Variants in MYO15A observed in about 807,000 individuals in gnomAD.
The protein encoded by MYO15A is myosin XVA, also known as unconventional myosin-XV.
In MYO15A, 308 loss-of-function variants were observed where a neutral mutation model predicts 394.6. The observed-to-expected ratio is 0.78, with a 90% CI of 0.71 to 0.86. MYO15A has a LOEUF of 0.86. Ranked by LOEUF, MYO15A falls within the 40% of genes least tolerant of loss-of-function variation. The pLI is 0.00. For synonymous variants in MYO15A, 1,957 were observed against 2,003.8 expected (o/e 0.98, Z 0.62); for missense variants, 4,606 against 4,799.1 (o/e 0.96, Z 1.19).
Position 18,141,151 on chromosome 17 carries a change from G to A in MYO15A, c.5531+8G>A. ...CCAGGGGTTCATCGACAGGTATCTT[G>A]GTTACGGTAGTTCCTGAGCTCTACA... is the stretch of plus-strand genomic sequence containing the variant. On this transcript the variant is annotated splice_region_variant and intron_variant, in intron 22 of 65. Transcript: ENST00000647165. The A allele has an allele frequency of 6.2e-7, 1 of 1,613,318 alleles. No individual in the cohort carries two copies. The highest frequency in any genetic ancestry group is 8.5e-7 in the Non-Finnish European group (1 of 1,179,990).
At position 18,119,919 on chromosome 17, in the gene MYO15A, A is replaced by G. The variant is rs757548030; in HGVS notation, c.1119A>G (p.Gly373=). ...ATGTACCCTACTTTGATCCCTACGG[A>G]GTCCACTACACCGTCCCCTATGCCG... The part of the protein sequence containing the change: ...PYDVPYFDPY[G]VHYTVPYAEG... The change falls in exon 2 of 66, where the codon GGA becomes GGG. Residue 373 remains glycine (G), a synonymous_variant. Coordinates refer to ENST00000647165, the MANE Select transcript of MYO15A (RefSeq NM_016239.4). 1.2e-6 allele frequency: 2 copies of G among 1,613,468 alleles called. No homozygotes were observed. The highest frequency in any genetic ancestry group is 2.2e-5 in the South Asian group (2 of 91,090).
intron 1 of MYO15A, among the ~76,000 whole-genome samples, chr17:18,114,543 C>T (rs2045762027): frequency 6.6e-6 from 1 of 152,132 alleles, no homozygotes; most frequent in African/African-American, 2.4e-5. Flanking sequence ...TGAGCCACTG[C>T]ACCTGGCCCT....
intron 65 of MYO15A, 141 bp from the exon 66 acceptor site, chr17:18,178,628 T>G: frequency 1.2e-6 from 1 of 820,578 alleles, no homozygotes; most frequent in Non-Finnish European, 2.1e-6. Flanking sequence ...TCTCAGGCCC[T>G]GGGGGAGGTG....
Position 18,137,626 on chromosome 17 carries a change from G to C in MYO15A, c.4822G>C (p.Ala1608Pro), listed in dbSNP as rs772942253. Residue 1608 changes from alanine to proline, a missense_variant, in exon 16 of 66, where the codon GCA becomes CCA. Physicochemically the swap from Ala to Pro is conservative, Grantham distance 27 (BLOSUM62 -1). Around this residue, in one of 2 missense-constraint regions of MYO15A, gnomAD observed 2,776 missense variants for 3,109.3 expected, o/e 0.89. Coordinates refer to ENST00000647165, the MANE Select transcript of MYO15A (RefSeq NM_016239.4). The stretch of plus-strand genomic sequence containing the variant: ...CTTTGAGCAGCTGTGTATTAACTAC[G>C]CAAACGAGAACCTTCAGTACCTTTT... ...NSFEQLCINY[A>P]NENLQYLFNK... The C allele has an allele frequency of 1.2e-6, 2 of 1,613,998 alleles. No individual in the cohort carries two copies. The highest frequency in any genetic ancestry group is 1.7e-6 in the Non-Finnish European group (2 of 1,180,014).
At chr17:18,110,943 C>G (rs958066820) in intron 1 of MYO15A, among the ~76,000 whole-genome samples, 8 of 152,226 alleles carry the variant, frequency 5.3e-5, no homozygotes, top group African/African-American at 1.7e-4. Flanking sequence ...CTCAGGGTTG[C>G]GTTGTCAGCA....
At chr17:18,142,984 T>G in intron 25 of MYO15A, 144 bp downstream of exon 25, 6 of 739,878 alleles carry the variant, frequency 8.1e-6, no homozygotes, top group East Asian at 2.7e-5. Flanking sequence ...ACTTTGGCCA[T>G]TGTCTATCCT....
intron 12 of MYO15A, among the ~76,000 whole-genome samples, chr17:18,135,363 T>C (rs932602612): frequency 7.9e-5 from 12 of 151,300 alleles, no homozygotes; most frequent in African/African-American, 2.9e-4. Context: ...TTTTTTGAGA[T>C]GGAGTTTCGC....
rs895338551 is a variant in MYO15A at position 18,179,189 on chromosome 17, G to A, written c.*319G>A. The A allele has an allele frequency of 6.6e-6, 3 of 454,976 alleles. No individual in the cohort carries two copies. The highest frequency in any genetic ancestry group is 6.0e-5 in the African/African-American group (3 of 50,334). 28.2% of individuals were successfully genotyped at this position (454,976 alleles called of 1,614,324 possible). A position where few individuals can be genotyped will look rare whatever the true frequency, so the allele number is the denominator to read the frequency against. ...ATTGCAGACCCTGCCCCTAACTCCT[G>A]CCTATGACACAGAAGCCCCACACCA... On this transcript the variant is annotated 3_prime_UTR_variant, in exon 66 of 66. Transcript: ENST00000647165.
intron 61 of MYO15A, 76 bp downstream of exon 61, chr17:18,166,597 T>C: frequency 6.3e-7 from 1 of 1,577,596 alleles, no homozygotes; most frequent in Non-Finnish European, 8.6e-7. Flanking sequence ...CTCCACAGCC[T>C]TGGTGTTTGA....
chr17:18,138,359 G>A (rs759534545), intron 17 of MYO15A, 113 bp downstream of exon 17: 2 of 1,388,848 alleles, frequency 1.4e-6, no homozygotes, highest in Admixed American at 2.0e-5. Flanking sequence ...TCAGGCAGTG[G>A]GGGGTTGGGA....
intron 57 of MYO15A, among the ~76,000 whole-genome samples, chr17:18,162,124 C>T (rs1278904150): frequency 1.3e-5 from 2 of 152,164 alleles, no homozygotes; most frequent in African/African-American, 2.4e-5. Context: ...GCAGAATGTG[C>T]CCTAGAACTC....
chr17:18,126,577 C>T, intron 5 of MYO15A, 121 bp downstream of exon 5: 1 of 1,093,792 alleles, frequency 9.1e-7, no homozygotes, highest in Non-Finnish European at 1.3e-6. Context: ...GGCAGCCCAC[C>T]TACTCAATCT....
chr17:18,169,129 A>C (rs868637055), intron 62 of MYO15A, among the ~76,000 whole-genome samples: 63 of 126,788 alleles, frequency 5.0e-4, no homozygotes, highest in South Asian at 1.3e-3. Flanking sequence ...AATAATAATA[A>C]TAATAATAAT....
intron 22 of MYO15A, 79 bp downstream of exon 22, chr17:18,141,222 C>A (rs762720460): frequency 1.9e-6 from 3 of 1,597,212 alleles, no homozygotes; most frequent in Admixed American, 3.4e-5. Context: ...ACAACCCAGG[C>A]AGTACAGGGC....
chr17:18,125,690 C>T (rs1035824033), intron 4 of MYO15A: 1 of 111,054 alleles, frequency 9.0e-6, no homozygotes, highest in Non-Finnish European at 1.6e-5. Context: ...GGGTGACAGA[C>T]AGAGCGAGAC....
chr17:18,113,830 AC>A (rs2045752228), intron 1 of MYO15A, among the ~76,000 whole-genome samples: 1 of 120,128 alleles, frequency 8.3e-6, no homozygotes, highest in African/African-American at 2.7e-5. Flanking sequence ...ACACACACAC[AC>A]ACACACACAC....
chr17:18,173,618 G>T, intron 64 of MYO15A, 163 bp from the exon 65 acceptor site: 1 of 857,814 alleles, frequency 1.2e-6, no homozygotes, highest in Non-Finnish European at 1.9e-6. Flanking sequence ...GGTCCAGAGA[G>T]GTAAAGTGAT....
chr17:18,113,739 CAAAAA>C (rs72282387), intron 1 of MYO15A, among the ~76,000 whole-genome samples: 2 of 119,414 alleles, frequency 1.7e-5, no homozygotes, highest in African/African-American at 6.5e-5. Flanking sequence ...GAGACTGTCT[CAAAAA>C]AAAAAAAAAG....
chr17:18,127,038 A>G, intron 6 of MYO15A, 37 bp from the exon 7 acceptor site: 1 of 1,612,928 alleles, frequency 6.2e-7, no homozygotes, highest in East Asian at 2.2e-5. Flanking sequence ...AGAGGCAGCG[A>G]AAGGTTGGAG....
Sources: allele counts gnomAD v4.1 joint callset (sites outside exome capture counted in the v4.1 genomes callset), GRCh38; gene constraint gnomAD v4.1.1; regional missense constraint gnomAD v4.1.1; transcripts MANE v1.5; gene names NCBI Gene and HGNC (gene_info 2026-07-23, HGNC 2026-07-21).